Variants in ELAPOR2 observed in about 807,000 individuals in gnomAD.
ELAPOR2 encodes the protein endosome/lysosome-associated apoptosis and autophagy regulator family member 2.
A neutral mutation model predicts 120.7 loss-of-function variants in ELAPOR2; 89 were observed. The observed-to-expected ratio is 0.74, with a 90% confidence interval of 0.62 to 0.88. The LOEUF is 0.88. ELAPOR2 is among the 40% of genes least tolerant of loss of function. The pLI is 0.00. For synonymous variants in ELAPOR2, 444 were observed against 444.9 expected (o/e 1.00, Z 0.03); for missense variants, 1,134 against 1,251.6 (o/e 0.91, Z 1.42).
chr7:86,935,052 A>G (rs1790506731), intron 8 of ELAPOR2, among the ~76,000 whole-genome samples: 1 of 151,978 alleles, frequency 6.6e-6, no homozygotes, highest in Non-Finnish European at 1.5e-5. Context: ...GTGTTCATTC[A>G]TATCCTCTCT....
In ELAPOR2 at chr7:86,942,075, G is replaced by A. The variant is rs766639151; in HGVS notation, c.684C>T (p.Asp228=). The change falls in exon 5 of 22, where the codon GAC becomes GAT. Residue 228 remains aspartate, a synonymous_variant. Coordinates refer to ENST00000450689, the MANE Select transcript of ELAPOR2 (RefSeq NM_001142749.3). ...GTTTTACCCACTTGTCAGTGGTGGTGTCCATCTCCTGGCACTGATCATTTT... is the reference window on the plus strand; with the variant it reads ...GTTTTACCCACTTGTCAGTGGTGGTATCCATCTCCTGGCACTGATCATTTT... ...FIQNDQCQEM[D]TTTDKWVKLT... is the part of the protein sequence containing the mutation. 8.4e-6 allele frequency: 13 copies of A among 1,548,728 alleles called. 1 individual carries two copies. The South Asian group carries it at 1.5e-4, about 18-fold the overall frequency.
chr7:86,888,015 G>C (rs188590231), intron 21 of ELAPOR2, among the ~76,000 whole-genome samples: 2 of 152,002 alleles, frequency 1.3e-5, no homozygotes, highest in Non-Finnish European at 2.9e-5. Context: ...GGCTTCCTGG[G>C]TACAACTTCT....
chr7:86,934,181 G>A (rs940135936), intron 8 of ELAPOR2, among the ~76,000 whole-genome samples: 1 of 151,374 alleles, frequency 6.6e-6, no homozygotes, highest in Non-Finnish European at 1.5e-5. Context: ...ATTTACCACC[G>A]GGAACAATGT....
At chr7:86,926,603 T>G in intron 9 of ELAPOR2, 133 bp downstream of exon 9, 1 of 780,460 alleles carries the variant, frequency 1.3e-6, no homozygotes, top group Non-Finnish European at 2.0e-6. Context: ...TACAGTTGAC[T>G]GCAATTTTTG....
chr7:86,952,502 T>C (rs1791300179), intron 2 of ELAPOR2, among the ~76,000 whole-genome samples: 1 of 152,188 alleles, frequency 6.6e-6, no homozygotes, highest in Non-Finnish European at 1.5e-5. Flanking sequence ...TTAATCATCA[T>C]ACATCACATC....
Position 86,880,398 on chromosome 7 carries a change from C to T in ELAPOR2, c.*73G>A. ...CCAATGTGACAGGTATGAGGACAGA[C>T]CCTAAAATATGGTCCTGTAAAACTA... On this transcript the variant is annotated 3_prime_UTR_variant, in exon 22 of 22. Coordinates refer to ENST00000450689, the MANE Select transcript of ELAPOR2 (RefSeq NM_001142749.3). 1 of 1,084,002 alleles carries T rather than the reference C, an allele frequency of 9.2e-7. No homozygotes were observed. Among genetic ancestry groups the T allele is most frequent in the Non-Finnish European group, 1.4e-6 (1 of 700,706 alleles). The allele number at this position is 1,084,002 out of a possible 1,614,324, so 67.1% of individuals were successfully genotyped here.
intron 1 of ELAPOR2, among the ~76,000 whole-genome samples, chr7:87,024,003 A>T (rs182149440): frequency 1.4e-3 from 219 of 152,270 alleles, no homozygotes; most frequent in Non-Finnish European, 2.5e-3. Context: ...CAATCATGTC[A>T]TCCGCAAACA....
chr7:86,948,332 C>A (rs1237129595), intron 2 of ELAPOR2, among the ~76,000 whole-genome samples: 1 of 152,194 alleles, frequency 6.6e-6, no homozygotes, highest in Non-Finnish European at 1.5e-5. Flanking sequence ...TATGGTCCTA[C>A]AGTGCACTTG....
chr7:87,034,173 G>A (rs1794507355), intron 1 of ELAPOR2, among the ~76,000 whole-genome samples: 1 of 152,148 alleles, frequency 6.6e-6, no homozygotes, highest in Non-Finnish European at 1.5e-5. Flanking sequence ...ATATGTAATA[G>A]AGGCAGTATA....
chr7:87,014,326 G>A (rs577745512), intron 1 of ELAPOR2, among the ~76,000 whole-genome samples: 17 of 152,058 alleles, frequency 1.1e-4, no homozygotes, highest in Admixed American at 9.8e-4. Flanking sequence ...GTTCAGTATT[G>A]GCTAATTCAG....
intron 2 of ELAPOR2, among the ~76,000 whole-genome samples, chr7:86,950,240 C>A (rs955330881): frequency 7.2e-5 from 11 of 152,344 alleles, no homozygotes; most frequent in African/African-American, 2.4e-4. Context: ...ACCTTGCTCA[C>A]CCTCCACTTG....
At chr7:86,957,350 A>C (rs1393938656) in intron 2 of ELAPOR2, among the ~76,000 whole-genome samples, 1 of 152,240 alleles carries the variant, frequency 6.6e-6, no homozygotes, top group Non-Finnish European at 1.5e-5. Context: ...TCACCTACAA[A>C]AATAAAACAC....
At chr7:86,949,305 G>A (rs958686672) in intron 2 of ELAPOR2, among the ~76,000 whole-genome samples, 1 of 152,178 alleles carries the variant, frequency 6.6e-6, no homozygotes, top group African/African-American at 2.4e-5. Flanking sequence ...CTTAGTTTCT[G>A]TCTCTAAAAA....
chr7:86,925,822 T>C (rs1180331230), intron 9 of ELAPOR2, among the ~76,000 whole-genome samples, 166 bp from the exon 10 acceptor site: 1 of 151,966 alleles, frequency 6.6e-6, no homozygotes, highest in Non-Finnish European at 1.5e-5. Flanking sequence ...TCAAAAGAAA[T>C]CTGAAAAGAA....
At chr7:86,909,118 C>A (rs1053960078) in intron 16 of ELAPOR2, among the ~76,000 whole-genome samples, 1 of 151,942 alleles carries the variant, frequency 6.6e-6, no homozygotes, top group African/African-American at 2.4e-5. Flanking sequence ...AGTTCCCAAT[C>A]TGAGCAACCC....
intron 13 of ELAPOR2, among the ~76,000 whole-genome samples, chr7:86,913,829 G>A (rs1409758549): frequency 2.6e-5 from 4 of 152,128 alleles, no homozygotes; most frequent in Non-Finnish European, 5.9e-5. Flanking sequence ...TCACTTTAAG[G>A]TCTGGTTTTA....
intron 2 of ELAPOR2, among the ~76,000 whole-genome samples, chr7:86,950,069 G>A (rs1271033571): frequency 2.6e-5 from 4 of 152,184 alleles, no homozygotes; most frequent in African/African-American, 9.6e-5. Flanking sequence ...CCTCTGGCTG[G>A]CTGAGGCCCA....
chr7:87,028,223 A>G (rs1444838682), intron 1 of ELAPOR2, among the ~76,000 whole-genome samples: 3 of 152,048 alleles, frequency 2.0e-5, no homozygotes, highest in Non-Finnish European at 4.4e-5. Flanking sequence ...CATTCCAATC[A>G]GGTTTTTACC....
chr7:86,939,059 T>C (rs574324451), intron 6 of ELAPOR2, 99 bp from the exon 7 acceptor site: 13 of 1,357,028 alleles, frequency 9.6e-6, no homozygotes, highest in East Asian at 2.3e-5. Context: ...GGGAGATATA[T>C]GAACAGTAAG....
Sources: allele counts gnomAD v4.1 joint callset (sites outside exome capture counted in the v4.1 genomes callset), GRCh38; gene constraint gnomAD v4.1.1; transcripts MANE v1.5; gene names NCBI Gene and HGNC (gene_info 2026-07-23, HGNC 2026-07-21).